KCNT2: variants seen among roughly 807,000 people sequenced by gnomAD.
The protein encoded by KCNT2 is potassium channel subfamily T member 2.
KCNT2 carries 67 observed loss-of-function variants against 153.8 expected under a neutral mutation model. The ratio of observed to expected loss-of-function variants is 0.44; its 90% CI spans 0.36 to 0.53. The LOEUF (loss-of-function observed/expected upper bound fraction) is 0.53, where lower values mean the gene tolerates loss of function less well. KCNT2 is among the 20% of genes least tolerant of loss of function. The pLI, the probability that KCNT2 is intolerant of heterozygous loss-of-function variation, is 0.00. For synonymous variants in KCNT2, 500 were observed against 458.8 expected (o/e 1.09, Z -1.15); for missense variants, 975 against 1,354.8 (o/e 0.72, Z 4.40).
chr1:196,425,254 T>C (rs1173893402), intron 11 of KCNT2, among the ~76,000 whole-genome samples: 1 of 151,978 alleles, frequency 6.6e-6, no homozygotes, highest in Non-Finnish European at 1.5e-5. Flanking sequence ...TTTAAGACTA[T>C]GTCACCTTTA....
At chr1:196,441,055 T>C (rs2148586996) in intron 8 of KCNT2, among the ~76,000 whole-genome samples, 1 of 151,912 alleles carries the variant, frequency 6.6e-6, no homozygotes. Flanking sequence ...CTGCAATTAT[T>C]TTGAAATGTG....
intron 8 of KCNT2, among the ~76,000 whole-genome samples, chr1:196,450,322 T>C (rs1676046319): frequency 6.6e-6 from 1 of 151,940 alleles, no homozygotes; most frequent in Admixed American, 6.6e-5. Flanking sequence ...ATCCTGTGAT[T>C]TTAGTGATCA....
intron 1 of KCNT2, among the ~76,000 whole-genome samples, chr1:196,518,070 C>T (rs561172513): frequency 6.6e-6 from 1 of 152,318 alleles, no homozygotes; most frequent in African/African-American, 2.4e-5. Flanking sequence ...GACCTCTCTG[C>T]AGAAACCCTA....
At chr1:196,355,778 T>C (rs1667125254) in intron 14 of KCNT2, among the ~76,000 whole-genome samples, 2 of 151,802 alleles carry the variant, frequency 1.3e-5, no homozygotes, top group African/African-American at 4.8e-5. Context: ...TGGAGCTGCA[T>C]TCTCAGCTCT....
chr1:196,298,978 C>T (rs542916610), intron 22 of KCNT2, among the ~76,000 whole-genome samples: 81 of 151,824 alleles, frequency 5.3e-4, no homozygotes, highest in Admixed American at 1.4e-3. Context: ...GTAATTATCA[C>T]ATGATTGTAT....
At chr1:196,443,897 G>C (rs1675461352) in intron 8 of KCNT2, among the ~76,000 whole-genome samples, 1 of 151,346 alleles carries the variant, frequency 6.6e-6, no homozygotes, top group Non-Finnish European at 1.5e-5. Flanking sequence ...ACATTAATTT[G>C]CATGGACACA....
intron 1 of KCNT2, among the ~76,000 whole-genome samples, chr1:196,537,829 C>T (rs1426856227): frequency 6.6e-6 from 1 of 152,160 alleles, no homozygotes; most frequent in Admixed American, 6.5e-5. Context: ...CTCGTTGGGG[C>T]ATTCTTATCT....
chr1:196,482,779 G>GA (rs1293015454), intron 3 of KCNT2, among the ~76,000 whole-genome samples: 8 of 151,752 alleles, frequency 5.3e-5, no homozygotes, highest in African/African-American at 1.4e-4. Flanking sequence ...TAAATAACCA[G>GA]AAAAAAATCA....
chr1:196,294,216 G>A (rs1660470268), intron 22 of KCNT2, among the ~76,000 whole-genome samples: 1 of 152,172 alleles, frequency 6.6e-6, no homozygotes, highest in Non-Finnish European at 1.5e-5. Flanking sequence ...AGCCAGAGGA[G>A]TGGAGCAAAG....
intron 1 of KCNT2, among the ~76,000 whole-genome samples, chr1:196,565,538 G>A (rs1470547136): frequency 2.6e-5 from 4 of 151,350 alleles, no homozygotes; most frequent in African/African-American, 9.7e-5. Context: ...CCACCTAGGT[G>A]TCCACCAATG....
intron 1 of KCNT2, among the ~76,000 whole-genome samples, chr1:196,545,852 T>A (rs563656059): frequency 2.6e-5 from 4 of 152,060 alleles, no homozygotes; most frequent in Non-Finnish European, 5.9e-5. Flanking sequence ...TTGAGCCTAA[T>A]GTTTTCAAAC....
At chr1:196,433,406 T>G (rs1674334146) in intron 8 of KCNT2, among the ~76,000 whole-genome samples, 1 of 152,122 alleles carries the variant, frequency 6.6e-6, no homozygotes, top group Non-Finnish European at 1.5e-5. Context: ...TGATTCTGTT[T>G]ATATGAAATA....
chr1:196,466,999 G>T (rs139987222), intron 7 of KCNT2, among the ~76,000 whole-genome samples: 45 of 151,918 alleles, frequency 3.0e-4, no homozygotes, highest in African/African-American at 1.1e-3. Context: ...TCACAACCCC[G>T]CTCAAGCAAA....
In KCNT2 at chr1:196,340,586, A is replaced by AG. The variant is rs757018050; in HGVS notation, c.1554-17_1554-16insC. 2.6e-5 allele frequency: 38 copies of AG among 1,459,526 alleles called. No individual in the cohort carries two copies. The African/African-American group carries it at 4.8e-4, about 19-fold the overall frequency. 90.4% of individuals were successfully genotyped at this position (1,459,526 alleles called of 1,614,324 possible). ...GACGCCAAACCTTAATTTAAAAAAAAAGAGAGTTTGTAAGAAAATTAGTAA... is the reference window on the plus strand; with the variant it reads ...GACGCCAAACCTTAATTTAAAAAAAAGAGAGAGTTTGTAAGAAAATTAGTAA... On this transcript the variant is annotated splice_polypyrimidine_tract_variant and intron_variant, in intron 15 of 27. Coordinates refer to ENST00000294725, the MANE Select transcript of KCNT2 (RefSeq NM_198503.5).
intron 12 of KCNT2, among the ~76,000 whole-genome samples, chr1:196,417,161 C>A (rs1043424627): frequency 1.2e-4 from 18 of 152,044 alleles, no homozygotes; most frequent in African/African-American, 4.3e-4. Context: ...GCCACTTTTT[C>A]TTGTAAATAA....
chr1:196,334,487 C>CTTTCTTTTTTTTTTTTTTTTTT (rs1553288400), intron 16 of KCNT2, among the ~76,000 whole-genome samples: 16 of 87,290 alleles, frequency 1.8e-4, no homozygotes, highest in East Asian at 1.4e-3. Context: ...TTCTTTCTTT[C>CTTTCTTTTTTTTTTTTTTTTTT]TTTTTTTTTT....
At chr1:196,410,029 T>C (rs1672152626) in intron 12 of KCNT2, among the ~76,000 whole-genome samples, 1 of 151,686 alleles carries the variant, frequency 6.6e-6, no homozygotes, top group South Asian at 2.1e-4. Flanking sequence ...CGATTTGCAT[T>C]TCCCTGATAA....
intron 1 of KCNT2, among the ~76,000 whole-genome samples, chr1:196,532,487 A>T (rs1317958567): frequency 1.3e-5 from 2 of 151,968 alleles, no homozygotes; most frequent in South Asian, 2.1e-4. Context: ...ATCTATATAA[A>T]CAAGAGAAAA....
At chr1:196,250,488 A>G (rs1655863112) in intron 26 of KCNT2, among the ~76,000 whole-genome samples, 1 of 152,198 alleles carries the variant, frequency 6.6e-6, no homozygotes, top group Admixed American at 6.5e-5. Context: ...ATCAAAATTC[A>G]AGAGTTAAAT....
Sources: gnomAD v4.1 joint callset for allele counts (sites outside exome capture counted in the v4.1 genomes callset) on GRCh38, gnomAD v4.1.1 for gene constraint, MANE v1.5 for transcripts, NCBI Gene and HGNC (gene_info 2026-07-23, HGNC 2026-07-21) for gene names.